Variants in SLCO3A1 observed in about 807,000 individuals in gnomAD.
SLCO3A1 encodes PGE1 transporter.
SLCO3A1 carries 27 observed loss-of-function variants against 63.1 expected under a neutral mutation model. That is an observed-to-expected ratio of 0.43 (90% CI 0.32 to 0.59). The LOEUF (loss-of-function observed/expected upper bound fraction) is 0.59, where lower values mean the gene tolerates loss of function less well. Among genes scored for constraint, SLCO3A1 ranks in the 20% least tolerant of loss-of-function variants. The pLI, the probability that SLCO3A1 is intolerant of heterozygous loss-of-function variation, is 0.09. For synonymous variants in SLCO3A1, 473 were observed against 409.9 expected (o/e 1.15, Z -1.86); for missense variants, 773 against 945.8 (o/e 0.82, Z 2.40).
intron 1 of SLCO3A1, among the ~76,000 whole-genome samples, chr15:91,911,269 A>G (rs1898476631): frequency 6.6e-6 from 1 of 152,206 alleles, no homozygotes; most frequent in Admixed American, 6.5e-5. Flanking sequence ...TAGATAACTT[A>G]AACTCTTTCA....
At chr15:92,155,851 TAGATCAAGTGTCTCAGG>T (rs1430284006) in intron 9 of SLCO3A1, among the ~76,000 whole-genome samples, 1 of 152,076 alleles carries the variant, frequency 6.6e-6, no homozygotes, top group Non-Finnish European at 1.5e-5. Context: ...TAAGAAACAA[TAGATCAAGTGTCTCAGG>T]GTGTCATTAG....
In SLCO3A1 at chr15:91,863,391, C is replaced by T. The variant is rs547417652; in HGVS notation, c.180+9303C>T. Among the ~76,000 whole-genome samples the T allele has an allele frequency of 4.6e-5, 7 of 152,336 alleles. No individual in the cohort carries two copies. The highest frequency in any genetic ancestry group is 2.1e-4 in the South Asian group (1 of 4,824). ...GCAGGGCCCCCTTAAGGTTGGCTTT[C>T]GAGGTTGCTCGTGCAGTGTAGTGGG... On this transcript the variant is annotated intron_variant, in intron 1 of 9. Transcript: ENST00000318445. This position sits in a 1 kb window ranked among gnomAD's most constrained non-coding sequence, Gnocchi z 4.3.
At chr15:92,141,181 C>T (rs2048127032) in intron 7 of SLCO3A1, among the ~76,000 whole-genome samples, 1 of 152,152 alleles carries the variant, frequency 6.6e-6, no homozygotes, top group Non-Finnish European at 1.5e-5. Context: ...GCAGAGAATT[C>T]ACCTCTCGCA....
At chr15:92,157,456 C>CTGAT (rs992788285) in intron 9 of SLCO3A1, among the ~76,000 whole-genome samples, 2 of 151,906 alleles carry the variant, frequency 1.3e-5, no homozygotes, top group Admixed American at 6.6e-5. Flanking sequence ...CTGGACACAC[C>CTGAT]TGATTATCCT....
At chr15:91,963,493 A>G (rs931155724) in intron 2 of SLCO3A1, among the ~76,000 whole-genome samples, 1 of 152,048 alleles carries the variant, frequency 6.6e-6, no homozygotes, top group African/African-American at 2.4e-5. Flanking sequence ...GTGAGAACCA[A>G]TGCCCCAAAT....
chr15:91,933,331 A>G (rs1031986639), intron 2 of SLCO3A1, among the ~76,000 whole-genome samples: 47 of 152,316 alleles, frequency 3.1e-4, no homozygotes, highest in African/African-American at 1.1e-3. Flanking sequence ...ACAAACCAAG[A>G]ATATTCTGAG....
rs954116032 is a variant in SLCO3A1, at chr15:91,950,819, A to G, written c.646+34361A>G. On this transcript the variant is annotated intron_variant, in intron 2 of 9. Transcript: ENST00000318445. This position sits in a 1 kb window ranked among gnomAD's most constrained non-coding sequence, Gnocchi z 4.4. ...GTGCAATGCTAATTCTGCCTTTAGT[A>G]ATTTGATGACAGAGACTTCTTGGGA... is the stretch of plus-strand genomic sequence containing the variant. Among the ~76,000 whole-genome samples, 4 of 152,228 alleles carry G rather than the reference A, an allele frequency of 2.6e-5. No individual in the cohort carries two copies. Among genetic ancestry groups the G allele is most frequent in the African/African-American group, 2.4e-5 (1 of 41,530 alleles).
At position 92,087,718 on chromosome 15, in the gene SLCO3A1, C is replaced by T. The variant is rs182038576; in HGVS notation, c.647-7163C>T. On this transcript the variant is annotated intron_variant, in intron 2 of 9. Coordinates refer to ENST00000318445, the MANE Select transcript of SLCO3A1 (RefSeq NM_013272.4). ...TTTTTAGTAGAGTCGGGGTTGTCTCCATGTTGGTCAGGCTGGCCTTGAACT... is the reference window on the plus strand; with the variant it reads ...TTTTTAGTAGAGTCGGGGTTGTCTCTATGTTGGTCAGGCTGGCCTTGAACT... 4.2e-3 allele frequency among the ~76,000 whole-genome samples: 631 copies of T among 151,888 alleles called. 6 individuals are homozygous for T. Among genetic ancestry groups the T allele is most frequent in the African/African-American group, 0.014 (598 of 41,420 alleles).
At chr15:91,972,719 G>A (rs759572299) in intron 2 of SLCO3A1, among the ~76,000 whole-genome samples, 3 of 152,176 alleles carry the variant, frequency 2.0e-5, no homozygotes, top group Non-Finnish European at 2.9e-5. Flanking sequence ...GGTCAGGACA[G>A]AGGCCCAGGG....
intron 2 of SLCO3A1, among the ~76,000 whole-genome samples, chr15:91,966,295 C>T: frequency 6.6e-6 from 1 of 152,148 alleles, no homozygotes; most frequent in South Asian, 2.1e-4. Context: ...TTTGTACTGA[C>T]CGAGGCCAGC....
intron 1 of SLCO3A1, among the ~76,000 whole-genome samples, chr15:91,874,554 G>A (rs1193160371): frequency 6.6e-6 from 1 of 152,222 alleles, no homozygotes; most frequent in Non-Finnish European, 1.5e-5. Flanking sequence ...GGTCATCCAA[G>A]TTGGGGGCTG....
At chr15:91,903,538 T>G (rs1163558002) in intron 1 of SLCO3A1, among the ~76,000 whole-genome samples, 1 of 152,102 alleles carries the variant, frequency 6.6e-6, no homozygotes, top group Non-Finnish European at 1.5e-5. Context: ...GGTCTTATGG[T>G]GTGTACTCAC....
chr15:92,134,687 C>G (rs2048035026), intron 7 of SLCO3A1, among the ~76,000 whole-genome samples: 1 of 152,140 alleles, frequency 6.6e-6, no homozygotes, highest in African/African-American at 2.4e-5. Context: ...TTATTTGTTT[C>G]CAGTTTTTGT....
intron 7 of SLCO3A1, among the ~76,000 whole-genome samples, chr15:92,129,931 T>G (rs929788473): frequency 6.6e-6 from 1 of 152,192 alleles, no homozygotes; most frequent in African/African-American, 2.4e-5. Flanking sequence ...AATTTCTTTA[T>G]GTGAGTGGAA....
intron 5 of SLCO3A1, 59 bp from the exon 6 acceptor site, chr15:92,126,002 G>T (rs538409532): frequency 1.3e-6 from 2 of 1,484,762 alleles, no homozygotes; most frequent in Non-Finnish European, 1.9e-6. Context: ...CTGCCCGCCT[G>T]TCTGTAGACT....
intron 2 of SLCO3A1, among the ~76,000 whole-genome samples, chr15:91,917,511 C>T (rs751907303): frequency 3.9e-5 from 6 of 152,124 alleles, no homozygotes; most frequent in East Asian, 1.9e-4. Flanking sequence ...TTGGAGTAGA[C>T]GCGTTTACTG....
intron 2 of SLCO3A1, among the ~76,000 whole-genome samples, chr15:91,936,041 C>T (rs1899401179): frequency 6.6e-6 from 1 of 152,186 alleles, no homozygotes; most frequent in African/African-American, 2.4e-5. Context: ...GGTGAGGGCT[C>T]TGGAGCCAGA....
chr15:92,028,340 C>T (rs1169313522), intron 2 of SLCO3A1, among the ~76,000 whole-genome samples: 4 of 152,208 alleles, frequency 2.6e-5, no homozygotes, highest in African/African-American at 9.6e-5. Flanking sequence ...AAAATCTGCC[C>T]CCCACCCTGG....
rs1015449175 is a variant in SLCO3A1, at chr15:91,897,149, A to G, written c.181-18844A>G. 6.6e-6 allele frequency among the ~76,000 whole-genome samples: 1 copy of G among 152,178 alleles called. No individual in the cohort carries two copies. The highest frequency in any genetic ancestry group is 2.4e-5 in the African/African-American group (1 of 41,446). ...CACACTATTTGCCATTGTCTATACA[A>G]TTGTTGCTTTTAAAATAAAGACAGG... On this transcript the variant is annotated intron_variant, in intron 1 of 9. Transcript: ENST00000318445. This position sits in a 1 kb window ranked among gnomAD's most constrained non-coding sequence, Gnocchi z 4.7.
Sources: gnomAD v4.1 joint callset for allele counts (sites outside exome capture counted in the v4.1 genomes callset) on GRCh38, gnomAD v4.1.1 for gene constraint, Gnocchi (gnomAD v3.1) non-coding constraint, MANE v1.5 for transcripts, NCBI Gene and HGNC (gene_info 2026-07-23, HGNC 2026-07-21) for gene names.